The following DHX57 variants were observed in gnomAD, a reference collection of about 807,000 sequenced individuals.
DHX57 encodes the protein putative ATP-dependent RNA helicase DHX57.
DHX57 carries 105 observed loss-of-function variants against 156.2 expected under a neutral mutation model. The ratio of observed to expected loss-of-function variants is 0.67; its 90% CI spans 0.57 to 0.79. DHX57 has a LOEUF of 0.79. DHX57 is among the 30% of genes least tolerant of loss of function. The pLI, the probability that DHX57 is intolerant of heterozygous loss-of-function variation, is 0.00. For missense variants in DHX57, 1,847 were observed against 1,661.9 expected, an observed-to-expected ratio of 1.11 and a Z score of -1.94; for synonymous variants, 704 against 595.6, an observed-to-expected ratio of 1.18 and a Z score of -2.65.
rs1670238950 is a variant in DHX57 at position 38,811,383 on chromosome 2, T to G, written c.3681+2438A>C. Reference sequence around the variant, plus strand: ...GCAATTTCCACTTGTTTGCGGGTGATGTAAGGCCTGGGAAGAGAGGGGCCC... The same window carrying G: ...GCAATTTCCACTTGTTTGCGGGTGAGGTAAGGCCTGGGAAGAGAGGGGCCC... On this transcript the variant is annotated intron_variant, in intron 21 of 23. Coordinates refer to ENST00000457308, the MANE Select transcript of DHX57 (RefSeq NM_198963.3). 3 of 550,976 alleles carry G rather than the reference T, an allele frequency of 5.4e-6. No individual in the cohort carries two copies. The Admixed American group carries it at 6.6e-5, about 12-fold the overall frequency. The allele number at this position is 550,976 out of a possible 1,614,324, so 34.1% of individuals were successfully genotyped here. A position where few individuals can be genotyped will look rare whatever the true frequency, so the allele number is the denominator to read the frequency against.
At chr2:38,819,560 A>G (rs1331340609) in intron 17 of DHX57, among the ~76,000 whole-genome samples, 1 of 152,218 alleles carries the variant, frequency 6.6e-6, no homozygotes, top group Non-Finnish European at 1.5e-5. Context: ...TTTGTGTGGA[A>G]AAAGTGTAAT....
intron 20 of DHX57, among the ~76,000 whole-genome samples, chr2:38,814,282 T>C (rs1490712095): frequency 6.6e-6 from 1 of 152,186 alleles, no homozygotes; most frequent in Non-Finnish European, 1.5e-5. Context: ...TACCGTTTTA[T>C]TATATTTGAT....
At chr2:38,801,955 T>C (rs897002030) in intron 23 of DHX57, among the ~76,000 whole-genome samples, 3 of 152,230 alleles carry the variant, frequency 2.0e-5, no homozygotes, top group African/African-American at 4.8e-5. Context: ...AGACTCCATA[T>C]AGGGAATAAT....
intron 17 of DHX57, among the ~76,000 whole-genome samples, chr2:38,821,871 T>A (rs1226850750): frequency 6.6e-6 from 1 of 152,096 alleles, no homozygotes; most frequent in Admixed American, 6.6e-5. Flanking sequence ...TTATGAATAA[T>A]TATATGCCAA....
At chr2:38,867,136 C>A (rs781285183) in intron 2 of DHX57, 1 of 152,172 alleles carries the variant, frequency 6.6e-6, no homozygotes, top group Non-Finnish European at 1.5e-5. Flanking sequence ...TTAGAGTATT[C>A]AGTACAGCAA....
chr2:38,842,471 GGTTAC>G lies in DHX57; in HGVS notation c.2425+529_2425+533del, dbSNP rs1572674966. On this transcript the variant is annotated intron_variant, in intron 12 of 23. Coordinates refer to ENST00000457308, the MANE Select transcript of DHX57 (RefSeq NM_198963.3). The stretch of plus-strand genomic sequence containing the variant: ...GTCCTCATTTTGATCACTGTACTGT[GGTTAC>G]GTAAGAGAATGTCCTTGTTCTTAGG... Among the ~76,000 whole-genome samples, 6 of 152,170 alleles carry G rather than the reference GGTTAC, an allele frequency of 3.9e-5. No homozygotes were observed. The East Asian group carries it at 1.2e-3, about 29-fold the overall frequency.
chr2:38,807,518 C>T (rs968135964), intron 21 of DHX57, among the ~76,000 whole-genome samples: 7 of 151,458 alleles, frequency 4.6e-5, no homozygotes, highest in Non-Finnish European at 8.8e-5. Flanking sequence ...CCGCCACACC[C>T]GGCTAATTTT....
In DHX57 at chr2:38,845,277, A is replaced by G. The variant is rs115301334; in HGVS notation, c.2219+1742T>C. Among the ~76,000 whole-genome samples the G allele has an allele frequency of 6.3e-3, 954 of 152,262 alleles. 11 individuals carry two copies. The highest frequency in any genetic ancestry group is 0.022 in the African/African-American group (897 of 41,530). On this transcript the variant is annotated intron_variant, in intron 11 of 23. Transcript: ENST00000457308. ...TGAGTTTGAAAAAGTAAAGACAGGT[A>G]AACTAGTTGAAAGATGATTTCCTCA... is the stretch of plus-strand genomic sequence containing the variant.
At chr2:38,871,647 G>C (rs568522913) in intron 1 of DHX57, among the ~76,000 whole-genome samples, 1 of 152,140 alleles carries the variant, frequency 6.6e-6, no homozygotes, top group African/African-American at 2.4e-5. Flanking sequence ...AAGATGGAAG[G>C]CAGAAGTGGG....
At chr2:38,831,283 A>G (rs1671364715) in intron 13 of DHX57, among the ~76,000 whole-genome samples, 2 of 151,018 alleles carry the variant, frequency 1.3e-5, no homozygotes, top group Admixed American at 6.6e-5. Context: ...TCACTATATC[A>G]ACTCTGCTTT....
intron 21 of DHX57, 127 bp from the exon 22 acceptor site, chr2:38,806,820 T>C: frequency 1.1e-6 from 1 of 925,320 alleles, no homozygotes; most frequent in Non-Finnish European, 1.6e-6. Context: ...GTTTGTTCCC[T>C]TTCTTTCTTA....
chr2:38,852,479 C>A (rs1672654714), intron 9 of DHX57, among the ~76,000 whole-genome samples: 1 of 151,728 alleles, frequency 6.6e-6, no homozygotes. Context: ...ATAATTTTCA[C>A]AGGACTTTCT....
chr2:38,826,712 GA>G (rs1558371831), intron 14 of DHX57, 23 bp from the exon 15 acceptor site: 1 of 1,611,568 alleles, frequency 6.2e-7, no homozygotes. Context: ...AAAAGCACAT[GA>G]AGTATTCTAG....
In DHX57 at chr2:38,861,292, G is replaced by A. The variant is rs760009745; in HGVS notation, c.1118C>T (p.Ala373Val). 3.1e-6 allele frequency: 5 copies of A among 1,614,158 alleles called. No individual in the cohort carries two copies. Among genetic ancestry groups the A allele is most frequent in the Non-Finnish European group, 4.2e-6 (5 of 1,180,030 alleles). Residue 373 changes from alanine to valine, a missense_variant, in exon 5 of 24, where the codon GCA becomes GTA. Coordinates refer to ENST00000457308, the MANE Select transcript of DHX57 (RefSeq NM_198963.3). ...TAGGTTCTCATTGGTGGAATAAAAT[G>A]CCACGAGCGGAGCTTGGTAGGGATA... ...HKYPYQAPLVAFYSTNENLPL... is the reference protein window; with the variant it reads ...HKYPYQAPLVVFYSTNENLPL...
At chr2:38,831,338 T>G (rs1324876820) in intron 13 of DHX57, among the ~76,000 whole-genome samples, 1 of 115,650 alleles carries the variant, frequency 8.6e-6, no homozygotes, top group Non-Finnish European at 1.9e-5. Context: ...TTTTTTTTTT[T>G]GAGACGAAGT....
chr2:38,833,863 T>C (rs1020258342), intron 13 of DHX57, among the ~76,000 whole-genome samples: 1 of 152,060 alleles, frequency 6.6e-6, no homozygotes, highest in South Asian at 2.1e-4. Flanking sequence ...GAAAGAGATA[T>C]GTCATGAATG....
chr2:38,850,842 A>T (rs1371559861), intron 9 of DHX57, among the ~76,000 whole-genome samples: 1 of 152,162 alleles, frequency 6.6e-6, no homozygotes, highest in East Asian at 1.9e-4. Context: ...TGGGAGGCCA[A>T]GGCGAGCATA....
chr2:38,834,202 A>G (rs1433411308), intron 13 of DHX57, among the ~76,000 whole-genome samples: 1 of 151,926 alleles, frequency 6.6e-6, no homozygotes, highest in African/African-American at 2.4e-5. Context: ...GTGGTGGCGC[A>G]TGCCTGTAAT....
At chr2:38,814,246 G>A (rs756668586) in intron 20 of DHX57, among the ~76,000 whole-genome samples, 1 of 152,038 alleles carries the variant, frequency 6.6e-6, no homozygotes, top group Non-Finnish European at 1.5e-5. Flanking sequence ...CTCTAATATG[G>A]CTATTTCTGT....
Sources: allele counts gnomAD v4.1 joint callset (sites outside exome capture counted in the v4.1 genomes callset), GRCh38; gene constraint gnomAD v4.1.1; transcripts MANE v1.5; gene names NCBI Gene and HGNC (gene_info 2026-07-23, HGNC 2026-07-21).